Variants in KCNMA1 observed in about 807,000 individuals in gnomAD.
KCNMA1 encodes the protein Calcium-activated potassium channel subunit alpha-1.
Under a neutral mutation model 140.0 loss-of-function variants are expected in KCNMA1, and 29 were observed. That is an observed-to-expected ratio of 0.21 (90% CI 0.15 to 0.28). KCNMA1 has a LOEUF of 0.28. Ranked by LOEUF, KCNMA1 falls within the 10% of genes least tolerant of loss-of-function variation. The pLI, the probability that KCNMA1 is intolerant of heterozygous loss-of-function variation, is 1.00. For missense variants in KCNMA1, 880 were observed against 1,602.2 expected, an observed-to-expected ratio of 0.55 and a Z score of 7.70; for synonymous variants, 612 against 611.9, an observed-to-expected ratio of 1.00 and a Z score of 0.00.
rs201996416 is a variant in KCNMA1, at chr10:77,079,520, C to A, written c.1554G>T (p.Lys518Asn). 13 of 1,612,472 alleles carry A rather than the reference C, an allele frequency of 8.1e-6. No individual in the cohort carries two copies. The highest frequency in any genetic ancestry group is 1.1e-5 in the Non-Finnish European group (13 of 1,178,664). ...GCAGCATTTGAGTGATGATTCTTAT[C>A]TTCGGATGGTAGTTCTTTATGGAGA... ...RVISIKNYHPKIRIITQMLQY... is the reference protein window; with the variant it reads ...RVISIKNYHPNIRIITQMLQY... The change falls in exon 13 of 28, where the codon AAG (lysine) becomes AAT (asparagine). Residue 518 changes from lysine to asparagine, a missense_variant. By Grantham distance (94) the Lys-to-Asn change is moderately conservative. Coordinates refer to ENST00000286628, the MANE Select transcript of KCNMA1 (RefSeq NM_001161352.2).
Position 76,986,125 on chromosome 10 carries a change from G to T in KCNMA1, c.2266+15282C>A, listed in dbSNP as rs75286755. Among the ~76,000 whole-genome samples the T allele has an allele frequency of 2.8e-3, 424 of 152,254 alleles. 1 individual carries two copies. Among genetic ancestry groups the T allele is most frequent in the Middle Eastern group, 6.8e-3 (2 of 294 alleles). On this transcript the variant is annotated intron_variant, in intron 19 of 27. Coordinates refer to ENST00000286628, the MANE Select transcript of KCNMA1 (RefSeq NM_001161352.2). ...TGTGAGGAAGGCAGTGGAGTTCTTG[G>T]ATTGCTATGAAAAGGAGGCGAGTGT...
At chr10:77,523,545 G>A (rs4979891) in intron 1 of KCNMA1, among the ~76,000 whole-genome samples, 1 of 152,246 alleles carries the variant, frequency 6.6e-6, no homozygotes, top group African/African-American at 2.4e-5. Context: ...TGCTGGAGAA[G>A]AGAAATGCTA....
intron 15 of KCNMA1, among the ~76,000 whole-genome samples, chr10:77,030,864 G>A (rs1175395923): frequency 6.6e-6 from 1 of 152,140 alleles, no homozygotes; most frequent in African/African-American, 2.4e-5. Context: ...CCTTATAGAA[G>A]CCCCTTTTAA....
intron 2 of KCNMA1, among the ~76,000 whole-genome samples, chr10:77,328,973 T>G (rs1306994746): frequency 6.6e-6 from 1 of 152,078 alleles, no homozygotes; most frequent in Non-Finnish European, 1.5e-5. Context: ...CCCGAGTAGC[T>G]GGGACTACAG....
intron 2 of KCNMA1, among the ~76,000 whole-genome samples, chr10:77,311,627 A>G (rs949841934): frequency 6.6e-6 from 1 of 152,328 alleles, no homozygotes; most frequent in Non-Finnish European, 1.5e-5. Context: ...AGATTGAGAG[A>G]GAGAGCAAGC....
chr10:77,180,673 A>G (rs1266580950), intron 5 of KCNMA1, among the ~76,000 whole-genome samples: 1 of 152,096 alleles, frequency 6.6e-6, no homozygotes, highest in Non-Finnish European at 1.5e-5. Context: ...ATAGGACTCT[A>G]TTTCTTCACT....
At chr10:77,345,083 C>T (rs1261692697) in intron 2 of KCNMA1, among the ~76,000 whole-genome samples, 1 of 152,112 alleles carries the variant, frequency 6.6e-6, no homozygotes, top group Admixed American at 6.6e-5. Flanking sequence ...GGATTTGAAA[C>T]CAGAGAGTTT....
intron 3 of KCNMA1, among the ~76,000 whole-genome samples, chr10:77,229,665 C>A (rs2052873469): frequency 6.6e-6 from 1 of 152,156 alleles, no homozygotes; most frequent in Admixed American, 6.5e-5. Context: ...TGTGCTCTTC[C>A]CACATTGTGC....
intron 23 of KCNMA1, among the ~76,000 whole-genome samples, chr10:76,920,331 A>C (rs2055198748): frequency 2.0e-5 from 3 of 152,038 alleles, no homozygotes; most frequent in African/African-American, 7.2e-5. Context: ...CTTACTATGT[A>C]CTGAATTTTG....
chr10:77,269,356 T>G (rs1269476415), intron 2 of KCNMA1, among the ~76,000 whole-genome samples: 1 of 152,214 alleles, frequency 6.6e-6, no homozygotes, highest in African/African-American at 2.4e-5. Context: ...CCAAATATTC[T>G]GATTCCAAAG....
chr10:77,599,638 A>G (rs2082017756), intron 1 of KCNMA1, among the ~76,000 whole-genome samples: 3 of 152,204 alleles, frequency 2.0e-5, no homozygotes, highest in African/African-American at 7.2e-5. Context: ...CACTGCGCAG[A>G]GTTGACGATG....
At chr10:77,000,558 C>T (rs1016570267) in intron 19 of KCNMA1, among the ~76,000 whole-genome samples, 1 of 152,132 alleles carries the variant, frequency 6.6e-6, no homozygotes. Flanking sequence ...AGAAGACTGA[C>T]ATCAGAGGCC....
At chr10:77,085,448 T>C (rs1419347609) in intron 11 of KCNMA1, among the ~76,000 whole-genome samples, 1 of 152,184 alleles carries the variant, frequency 6.6e-6, no homozygotes, top group Non-Finnish European at 1.5e-5. Flanking sequence ...CCACGAACAA[T>C]AACAATTGTC....
chr10:77,107,801 T>A (rs1007936990), intron 9 of KCNMA1, among the ~76,000 whole-genome samples: 26 of 152,208 alleles, frequency 1.7e-4, no homozygotes, highest in Non-Finnish European at 3.4e-4. Context: ...GATCGGTGCC[T>A]CCTGGATGAA....
At chr10:77,085,871 T>C (rs1287348312) in intron 11 of KCNMA1, among the ~76,000 whole-genome samples, 2 of 152,156 alleles carry the variant, frequency 1.3e-5, no homozygotes, top group Non-Finnish European at 2.9e-5. Flanking sequence ...GCAGATGCCA[T>C]TTTGCCTTGT....
rs376824669 is a variant in KCNMA1 at position 77,087,371 on chromosome 10, C to A, written c.1335-778G>T. Among the ~76,000 whole-genome samples the A allele has an allele frequency of 6.6e-5, 10 of 152,252 alleles. No homozygotes were observed. In the South Asian group the frequency reaches 2.1e-3, roughly 32 times the overall value. On this transcript the variant is annotated intron_variant, in intron 10 of 27. Transcript: ENST00000286628. ...TCAATATATAGATACCGATATATAT[C>A]TGTATTAGATATATTGATATATATA...
chr10:77,307,455 C>A (rs540876938), intron 2 of KCNMA1, among the ~76,000 whole-genome samples: 3 of 152,200 alleles, frequency 2.0e-5, no homozygotes, highest in Admixed American at 2.0e-4. Context: ...CAATGTTCAA[C>A]GCTTATCACA....
intron 3 of KCNMA1, among the ~76,000 whole-genome samples, chr10:77,228,932 G>C (rs763254500): frequency 5.3e-5 from 8 of 152,242 alleles, no homozygotes; most frequent in Non-Finnish European, 1.0e-4. Flanking sequence ...AATTCAGCAT[G>C]AATACGACAT....
At chr10:77,565,666 C>G (rs1004416354) in intron 1 of KCNMA1, among the ~76,000 whole-genome samples, 1 of 152,202 alleles carries the variant, frequency 6.6e-6, no homozygotes, top group African/African-American at 2.4e-5. Flanking sequence ...GAGATAGTTC[C>G]CACCCAAGAG....
Sources: gnomAD v4.1 joint callset for allele counts (sites outside exome capture counted in the v4.1 genomes callset) on GRCh38, gnomAD v4.1.1 for gene constraint, MANE v1.5 for transcripts, NCBI Gene and HGNC (gene_info 2026-07-23, HGNC 2026-07-21) for gene names.